MTUS1: variants seen among roughly 807,000 people sequenced by gnomAD.
MTUS1 encodes microtubule-associated tumor suppressor 1.
Under a neutral mutation model 120.8 loss-of-function variants are expected in MTUS1, and 109 were observed. The ratio of observed to expected loss-of-function variants is 0.90; its 90% CI spans 0.77 to 1.06. The LOEUF is 1.06. MTUS1 is among the 50% of genes least tolerant of loss of function. MTUS1 has a pLI of 0.00. For synonymous variants in MTUS1, 737 were observed against 550.5 expected, an observed-to-expected ratio of 1.34 and a Z score of -4.74; for missense variants, 2,210 against 1,486.3, an observed-to-expected ratio of 1.49 and a Z score of -8.01.
intron 3 of MTUS1, among the ~76,000 whole-genome samples, chr8:17,738,821 C>T (rs944926187): frequency 6.6e-6 from 1 of 152,002 alleles, no homozygotes; most frequent in Admixed American, 6.6e-5. Context: ...TTCAGCTGGG[C>T]AACAAGAATT....
At chr8:17,757,095 CAT>C (rs1484029745) in intron 1 of MTUS1, among the ~76,000 whole-genome samples, 3 of 152,226 alleles carry the variant, frequency 2.0e-5, no homozygotes, top group Admixed American at 1.3e-4. Flanking sequence ...CACAAATGTA[CAT>C]GATTCTAAAT....
At chr8:17,686,807 TG>T (rs1815909284) in intron 6 of MTUS1, among the ~76,000 whole-genome samples, 1 of 152,246 alleles carries the variant, frequency 6.6e-6, no homozygotes, top group Admixed American at 6.5e-5. Flanking sequence ...TGTTTACTTT[TG>T]AAGGGAAGGT....
At chr8:17,795,330 G>T (rs2052137088) in intron 1 of MTUS1, among the ~76,000 whole-genome samples, 1 of 152,152 alleles carries the variant, frequency 6.6e-6, no homozygotes, top group African/African-American at 2.4e-5. Context: ...TTAGTTAACA[G>T]TAGAAGATCA....
intron 1 of MTUS1, among the ~76,000 whole-genome samples, chr8:17,759,453 G>C (rs1242540572): frequency 1.3e-5 from 2 of 151,154 alleles, no homozygotes; most frequent in Non-Finnish European, 3.0e-5. Flanking sequence ...ACTTTTTGTA[G>C]AAAAGGGGTC....
At chr8:17,671,445 C>T (rs962019962) in intron 8 of MTUS1, among the ~76,000 whole-genome samples, 19 of 152,240 alleles carry the variant, frequency 1.2e-4, no homozygotes, top group African/African-American at 4.1e-4. Context: ...AAGACATCAA[C>T]GTAGAGTATC....
chr8:17,681,316 G>A lies in MTUS1; in HGVS notation c.2838+3012C>T, dbSNP rs74473443. ...GGTGATGTGATGCTGCTGTAAAACC[G>A]ACCTGAACATGTAGGTATTGTGGGC... On this transcript the variant is annotated intron_variant, in intron 7 of 14. Transcript: ENST00000693296. Among the ~76,000 whole-genome samples the A allele has an allele frequency of 1.9e-3, 288 of 152,248 alleles. 2 individuals are homozygous for A. In the South Asian group the frequency reaches 0.02, roughly 10 times the overall value.
intron 1 of MTUS1, among the ~76,000 whole-genome samples, chr8:17,770,944 T>C (rs2049978350): frequency 6.6e-6 from 1 of 152,204 alleles, no homozygotes; most frequent in South Asian, 2.1e-4. Flanking sequence ...TGACTGCTTC[T>C]GGATTAAAGA....
intron 1 of MTUS1, among the ~76,000 whole-genome samples, chr8:17,780,202 A>G (rs555051626): frequency 9.1e-4 from 138 of 152,188 alleles, no homozygotes; most frequent in African/African-American, 3.1e-3. Context: ...GCCAAAAAAA[A>G]AAGTGTGGTA....
intron 1 of MTUS1, among the ~76,000 whole-genome samples, chr8:17,773,487 G>A (rs1351165849): frequency 6.6e-6 from 1 of 152,234 alleles, no homozygotes; most frequent in African/African-American, 2.4e-5. Context: ...CCATAGACTG[G>A]GTAACTTATA....
intron 6 of MTUS1, among the ~76,000 whole-genome samples, chr8:17,711,171 G>C (rs400674): frequency 0.074 from 11,227 of 152,206 alleles, 920 homozygotes; most frequent in East Asian, 0.2. Flanking sequence ...AAAATTACCA[G>C]AAGTATTAGC....
intron 6 of MTUS1, among the ~76,000 whole-genome samples, chr8:17,710,675 C>T (rs1194198237): frequency 6.6e-6 from 1 of 152,194 alleles, no homozygotes; most frequent in Non-Finnish European, 1.5e-5. Context: ...TTCTTAATGG[C>T]ATCTAGAAGA....
chr8:17,777,112 A>G (rs2050505061), intron 1 of MTUS1, among the ~76,000 whole-genome samples: 1 of 152,100 alleles, frequency 6.6e-6, no homozygotes, highest in East Asian at 1.9e-4. Context: ...AACAGTATGC[A>G]ATTTTCCCAC....
Position 17,775,513 on chromosome 8 carries a change from C to T in MTUS1, c.-154-19552G>A, listed in dbSNP as rs529191696. ...CCTGCCAGGTGGAAGCTTTTCTAAG[C>T]TAGATGGTCGCACAGAAAGCAGCCA... On this transcript the variant is annotated intron_variant, in intron 1 of 14. Coordinates refer to ENST00000693296, the MANE Select transcript of MTUS1 (RefSeq NM_001363059.2). Among the ~76,000 whole-genome samples, 16 of 152,294 alleles carry T rather than the reference C, an allele frequency of 1.1e-4. No individual in the cohort carries two copies. The South Asian group carries it at 2.9e-3, about 28-fold the overall frequency.
chr8:17,797,049 T>C (rs1586465700), intron 1 of MTUS1, among the ~76,000 whole-genome samples: 1 of 145,640 alleles, frequency 6.9e-6, no homozygotes, highest in East Asian at 2.0e-4. Flanking sequence ...GAGGTGGGGG[T>C]TGCAGTGAGC....
At chr8:17,758,484 T>C (rs1333145098) in intron 1 of MTUS1, among the ~76,000 whole-genome samples, 1 of 152,282 alleles carries the variant, frequency 6.6e-6, no homozygotes, top group Admixed American at 6.5e-5. Flanking sequence ...GAATAGTTTA[T>C]TGGCAAGAGC....
At position 17,774,432 on chromosome 8, in the gene MTUS1, C is replaced by A. The variant is rs115973965; in HGVS notation, c.-154-18471G>T. ...GGGGAAGAAAATGAAAGTAAGTTTACCCCTTTCTAAAATGTGAAGAAAAGG... is the reference window on the plus strand; with the variant it reads ...GGGGAAGAAAATGAAAGTAAGTTTAACCCTTTCTAAAATGTGAAGAAAAGG... On this transcript the variant is annotated intron_variant, in intron 1 of 14. Transcript: ENST00000693296. 3.1e-3 allele frequency among the ~76,000 whole-genome samples: 479 copies of A among 152,306 alleles called. 2 individuals are homozygous for A. The highest frequency in any genetic ancestry group is 0.011 in the African/African-American group (464 of 41,562).
chr8:17,782,522 A>T (rs1229748072), intron 1 of MTUS1, among the ~76,000 whole-genome samples: 2 of 152,236 alleles, frequency 1.3e-5, no homozygotes, highest in African/African-American at 4.8e-5. Context: ...ATTAAAATGA[A>T]GCATAAGACC....
chr8:17,737,792 T>C (rs931967905), intron 3 of MTUS1, among the ~76,000 whole-genome samples: 11 of 152,350 alleles, frequency 7.2e-5, no homozygotes, highest in African/African-American at 2.4e-4. Flanking sequence ...CGGCCTCAAC[T>C]TGGCTTTTAG....
chr8:17,757,884 A>G (rs2048743759), intron 1 of MTUS1, among the ~76,000 whole-genome samples: 1 of 152,146 alleles, frequency 6.6e-6, no homozygotes, highest in Non-Finnish European at 1.5e-5. Flanking sequence ...AGTGCCAAAG[A>G]AAGGTCCAAA....
Sources: gnomAD v4.1 joint callset for allele counts (sites outside exome capture counted in the v4.1 genomes callset) on GRCh38, gnomAD v4.1.1 for gene constraint, MANE v1.5 for transcripts, NCBI Gene and HGNC (gene_info 2026-07-23, HGNC 2026-07-21) for gene names.